Variants in ABR observed in about 807,000 individuals in gnomAD.
ABR encodes ABR activator of RhoGEF and GTPase, also known as active breakpoint cluster region-related protein.
ABR carries 35 observed loss-of-function variants against 107.2 expected under a neutral mutation model. That is an observed-to-expected ratio of 0.33 (90% CI 0.25 to 0.43). The LOEUF is 0.43. Among genes scored for constraint, ABR ranks in the 20% least tolerant of loss-of-function variants. The pLI is 1.00. For synonymous variants in ABR, 498 were observed against 462.0 expected (o/e 1.08, Z -1.00); for missense variants, 815 against 1,115.2 (o/e 0.73, Z 3.83).
In ABR at chr17:1,071,673, G is replaced by C. The variant is rs1481574634; in HGVS notation, c.894+941C>G. Among the ~76,000 whole-genome samples, 1 of 152,266 alleles carries C rather than the reference G, an allele frequency of 6.6e-6. No individual in the cohort carries two copies. The highest frequency in any genetic ancestry group is 6.5e-5 in the Admixed American group (1 of 15,286). ...GCAAGCCACTGCGTGTGCAGGCCGA[G>C]CTGAAGCAGCTCCAAGCTCCTGCTC... On this transcript the variant is annotated intron_variant, in intron 8 of 22. Coordinates refer to ENST00000302538, the MANE Select transcript of ABR (RefSeq NM_021962.5). The surrounding 1 kb of genome is among the most constrained non-coding windows in gnomAD (Gnocchi z 5.1).
intron 1 of ABR, among the ~76,000 whole-genome samples, chr17:1,137,903 CTT>C (rs1310688018): frequency 1.4e-4 from 20 of 144,258 alleles, no homozygotes; most frequent in Non-Finnish European, 1.4e-4. Context: ...ACCACAATTA[CTT>C]TTTTTTTTTT....
At chr17:1,134,223 C>A (rs973967484) in intron 1 of ABR, among the ~76,000 whole-genome samples, 1 of 151,992 alleles carries the variant, frequency 6.6e-6, no homozygotes, top group Non-Finnish European at 1.5e-5. Flanking sequence ...GACCAGCCTG[C>A]TCAACATGAT....
rs190946244 is a variant in ABR at position 1,194,810 on chromosome 17, T to C, written c.838+33983A>G. 8.6e-4 allele frequency among the ~76,000 whole-genome samples: 108 copies of C among 125,110 alleles called. 22 individuals are homozygous for C. In the Middle Eastern group the frequency reaches 0.016, roughly 18 times the overall value. The allele number at this position is 125,110 out of a possible 152,430, so 82.1% of individuals were successfully genotyped here. On this transcript the variant is annotated intron_variant, in intron 1 of 22. Coordinates refer to the ABR transcript ENST00000574139. ...CTGGGATTACAGGCATGTGCCACCATGCCCTAAAAATTTTGTATTTTTAGT... is the reference window on the plus strand; with the variant it reads ...CTGGGATTACAGGCATGTGCCACCACGCCCTAAAAATTTTGTATTTTTAGT...
chr17:1,192,265 C>A (rs111861936), upstream of ABR, among the ~76,000 whole-genome samples: 2 of 152,132 alleles, frequency 1.3e-5, no homozygotes, highest in Admixed American at 1.3e-4. Context: ...GCATGAGCCA[C>A]GGCGCCCTGC....
chr17:1,056,621 A>G (rs1485296394), intron 13 of ABR, among the ~76,000 whole-genome samples: 1 of 152,074 alleles, frequency 6.6e-6, no homozygotes. Context: ...TTACAGCATG[A>G]ATTCCAAACT....
rs576995926 is a variant in ABR at position 1,167,865 on chromosome 17, C to T, written c.61+11802G>A. Among the ~76,000 whole-genome samples, 65 of 152,318 alleles carry T rather than the reference C, an allele frequency of 4.3e-4. No individual in the cohort carries two copies. In the South Asian group the frequency reaches 0.013, roughly 30 times the overall value. ...TGCAGGTAAACACTATAAAACAACA[C>T]GATATCGGCCGGGCGGGTCGCTCAC... On this transcript the variant is annotated intron_variant, in intron 1 of 22. Transcript: ENST00000302538.
rs1235364213 is a variant in ABR, at chr17:1,148,028, C to T, written c.62-22661G>A. ...GCCAGCATGATGGCCCCAGGCTGGT[C>T]AATGACCCACCCACTCTCCCCAGGC... On this transcript the variant is annotated intron_variant, in intron 1 of 22. Coordinates refer to ENST00000302538, the MANE Select transcript of ABR (RefSeq NM_021962.5). This position sits in a 1 kb window ranked among gnomAD's most constrained non-coding sequence, Gnocchi z 4.9. Among the ~76,000 whole-genome samples, 1 of 152,170 alleles carries T rather than the reference C, an allele frequency of 6.6e-6. No individual in the cohort carries two copies. Among genetic ancestry groups the T allele is most frequent in the Non-Finnish European group, 1.5e-5 (1 of 68,038 alleles).
rs138585979 is a variant in ABR at position 1,157,540 on chromosome 17, C to T, written c.61+22127G>A. On this transcript the variant is annotated intron_variant, in intron 1 of 22. Coordinates refer to ENST00000302538, the MANE Select transcript of ABR (RefSeq NM_021962.5). The surrounding 1 kb of genome is among the most constrained non-coding windows in gnomAD (Gnocchi z 4.7). ...TGCTGGGATTACAGGCGTGAGCCAC[C>T]GCGCCCGACCTCAGTGCACACAGTT... Among the ~76,000 whole-genome samples the T allele has an allele frequency of 7.2e-5, 11 of 152,166 alleles. No homozygotes were observed. Among genetic ancestry groups the T allele is most frequent in the African/African-American group, 2.7e-4 (11 of 41,442 alleles).
intron 16 of ABR, among the ~76,000 whole-genome samples, chr17:1,047,186 C>T (rs776785559): frequency 1.3e-5 from 2 of 152,260 alleles, no homozygotes; most frequent in African/African-American, 4.8e-5. Flanking sequence ...TGAATATCCC[C>T]GAGGGCTGGG....
intron 16 of ABR, chr17:1,031,974 G>T: frequency 9.2e-6 from 7 of 764,396 alleles, no homozygotes; most frequent in Non-Finnish European, 1.2e-5. Flanking sequence ...CAGGCTGAGC[G>T]CCGCCTCCCA....
chr17:1,038,299 G>A (rs1331027653), intron 16 of ABR, among the ~76,000 whole-genome samples: 1 of 152,198 alleles, frequency 6.6e-6, no homozygotes, highest in Non-Finnish European at 1.5e-5. Flanking sequence ...GGTGGGGGAC[G>A]TGGGGGTCTG....
chr17:1,026,210 C>A (rs2072180922), intron 16 of ABR, among the ~76,000 whole-genome samples: 2 of 152,240 alleles, frequency 1.3e-5, no homozygotes, highest in African/African-American at 2.4e-5. Context: ...GATGTACTCG[C>A]GGGCACACAG....
At position 1,078,696 on chromosome 17, in the gene ABR, G is replaced by A. The variant is rs1015562532; in HGVS notation, c.700+634C>T. On this transcript the variant is annotated intron_variant, in intron 6 of 22. Coordinates refer to ENST00000302538, the MANE Select transcript of ABR (RefSeq NM_021962.5). The surrounding 1 kb of genome is among the most constrained non-coding windows in gnomAD (Gnocchi z 7.5). The stretch of plus-strand genomic sequence containing the variant: ...ACGAAGGGGGAATTCAGGTCCAGCC[G>A]CTCGCCCACCCTCCTTCCCTGCGGC... 4.6e-5 allele frequency: 50 copies of A among 1,082,910 alleles called. No individual in the cohort carries two copies. Among genetic ancestry groups the A allele is most frequent in the Middle Eastern group, 4.1e-4 (2 of 4,832 alleles). The allele number at this position is 1,082,910 out of a possible 1,614,324, so 67.1% of individuals were successfully genotyped here. A position where few individuals can be genotyped will look rare whatever the true frequency, so the allele number is the denominator to read the frequency against.
chr17:1,180,506 G>T (rs2042100749), upstream of ABR, among the ~76,000 whole-genome samples: 1 of 152,212 alleles, frequency 6.6e-6, no homozygotes, highest in Non-Finnish European at 1.5e-5. Flanking sequence ...ACATGGAGGG[G>T]GGCGGGTGGA....
At chr17:1,187,462 A>G (rs1471857736), upstream of ABR, 1 of 152,330 alleles carries the variant, frequency 6.6e-6, no homozygotes, top group African/African-American at 2.4e-5. Flanking sequence ...CAGCTTGGAC[A>G]CAGGGCTGCA....
chr17:1,075,785 T>A (rs1411720041), intron 6 of ABR, among the ~76,000 whole-genome samples: 1 of 152,246 alleles, frequency 6.6e-6, no homozygotes, highest in Non-Finnish European at 1.5e-5. Flanking sequence ...CTCACGCCTG[T>A]AATCCCAGCA....
At chr17:1,047,780 A>C (rs977222711) in intron 16 of ABR, among the ~76,000 whole-genome samples, 10 of 152,052 alleles carry the variant, frequency 6.6e-5, no homozygotes, top group African/African-American at 2.2e-4. Flanking sequence ...CCTGTCTCCA[A>C]GAGGCTTGCA....
intron 16 of ABR, among the ~76,000 whole-genome samples, chr17:1,040,866 G>C (rs981468719): frequency 9.9e-5 from 15 of 152,204 alleles, no homozygotes; most frequent in African/African-American, 3.6e-4. Context: ...AGCCCCGCAA[G>C]ATCTGTCTGG....
chr17:1,221,886 T>C (rs150408138), intron 1 of ABR, among the ~76,000 whole-genome samples: 3 of 151,950 alleles, frequency 2.0e-5, no homozygotes, highest in Admixed American at 1.3e-4. Flanking sequence ...ACCTCTGGAG[T>C]AGGGACAGCG....
Sources: allele counts gnomAD v4.1 joint callset (sites outside exome capture counted in the v4.1 genomes callset), GRCh38; gene constraint gnomAD v4.1.1; non-coding constraint Gnocchi (gnomAD v3.1); transcripts MANE v1.5; gene names NCBI Gene and HGNC (gene_info 2026-07-23, HGNC 2026-07-21).